Variants in TMEM132D observed in about 807,000 individuals in gnomAD.
TMEM132D encodes the protein mature OL transmembrane protein.
In TMEM132D, 21 loss-of-function variants were observed where a neutral mutation model predicts 62.3. The ratio of observed to expected loss-of-function variants is 0.34; its 90% CI spans 0.24 to 0.49. The LOEUF (loss-of-function observed/expected upper bound fraction) is 0.49. Among genes scored for constraint, TMEM132D ranks in the 20% least tolerant of loss-of-function variants. The pLI is 0.99. For synonymous variants in TMEM132D, 621 were observed against 575.6 expected, an observed-to-expected ratio of 1.08 and a Z score of -1.13; for missense variants, 1,346 against 1,402.8, an observed-to-expected ratio of 0.96 and a Z score of 0.65.
At chr12:129,583,045 T>C (rs1877922104) in intron 2 of TMEM132D, among the ~76,000 whole-genome samples, 1 of 152,228 alleles carries the variant, frequency 6.6e-6, no homozygotes, top group African/African-American at 2.4e-5. Flanking sequence ...CCTGACTTTG[T>C]GATCTGCCCA....
intron 4 of TMEM132D, among the ~76,000 whole-genome samples, chr12:129,283,104 T>C (rs897758223): frequency 2.0e-5 from 3 of 152,216 alleles, no homozygotes; most frequent in African/African-American, 7.2e-5. Flanking sequence ...CATTCATTCA[T>C]TCATACACTC....
At chr12:129,612,226 G>A (rs904944477) in intron 2 of TMEM132D, among the ~76,000 whole-genome samples, 7 of 152,138 alleles carry the variant, frequency 4.6e-5, no homozygotes, top group Non-Finnish European at 8.8e-5. Flanking sequence ...TTCACTGGCT[G>A]ATCTTACTAA....
intron 3 of TMEM132D, among the ~76,000 whole-genome samples, chr12:129,351,551 A>G (rs1293092401): frequency 6.6e-6 from 1 of 152,184 alleles, no homozygotes; most frequent in Admixed American, 6.5e-5. Flanking sequence ...TGTTGTGTGT[A>G]CGTTCCAGAC....
chr12:129,697,646 G>A (rs1438797599), intron 2 of TMEM132D, among the ~76,000 whole-genome samples: 1 of 152,166 alleles, frequency 6.6e-6, no homozygotes, highest in Non-Finnish European at 1.5e-5. Flanking sequence ...TACTTTTGCT[G>A]TACTTCTCAA....
At chr12:129,712,016 T>A (rs1199254511) in intron 1 of TMEM132D, among the ~76,000 whole-genome samples, 2 of 151,974 alleles carry the variant, frequency 1.3e-5, no homozygotes, top group African/African-American at 4.8e-5. Flanking sequence ...CTCCAGTACA[T>A]CCTCAGGTTA....
intron 5 of TMEM132D, among the ~76,000 whole-genome samples, chr12:129,203,480 CTCCTGTGG>C (rs1878762402): frequency 6.6e-6 from 1 of 152,238 alleles, no homozygotes; most frequent in Non-Finnish European, 1.5e-5. Context: ...TGGGTGCAGC[CTCCTGTGG>C]TCCCAGGAAG....
At chr12:129,108,613 C>T (rs1875579428) in intron 5 of TMEM132D, among the ~76,000 whole-genome samples, 1 of 152,158 alleles carries the variant, frequency 6.6e-6, no homozygotes, top group Non-Finnish European at 1.5e-5. Context: ...CATTCAGACT[C>T]TTCTATCTCC....
intron 2 of TMEM132D, among the ~76,000 whole-genome samples, chr12:129,591,854 T>C (rs758774741): frequency 3.6e-4 from 55 of 152,336 alleles, no homozygotes; most frequent in Admixed American, 9.8e-4. Context: ...TAATTCTGAC[T>C]ACTTAATAAA....
intron 5 of TMEM132D, among the ~76,000 whole-genome samples, chr12:129,091,482 C>A (rs1874915197): frequency 1.3e-5 from 2 of 150,974 alleles, no homozygotes; most frequent in Non-Finnish European, 3.0e-5. Context: ...GCTCTGGAGA[C>A]CTTACCTATG....
intron 1 of TMEM132D, among the ~76,000 whole-genome samples, chr12:129,902,247 T>C (rs1875383334): frequency 1.3e-5 from 2 of 152,234 alleles, no homozygotes; most frequent in African/African-American, 4.8e-5. Context: ...GATAATTGGC[T>C]TTGAAGTTTC....
intron 2 of TMEM132D, among the ~76,000 whole-genome samples, chr12:129,678,822 C>T (rs1200558773): frequency 1.3e-5 from 2 of 152,068 alleles, no homozygotes; most frequent in Non-Finnish European, 2.9e-5. Flanking sequence ...GCAGGAATCT[C>T]ATCCCTTTTT....
intron 2 of TMEM132D, among the ~76,000 whole-genome samples, chr12:129,676,023 A>G (rs1880620590): frequency 6.6e-6 from 1 of 152,220 alleles, no homozygotes; most frequent in African/African-American, 2.4e-5. Context: ...CTTTCAGTCA[A>G]CAGACACTTA....
At chr12:129,721,608 CG>C (rs1565961919) in intron 1 of TMEM132D, among the ~76,000 whole-genome samples, 2 of 152,164 alleles carry the variant, frequency 1.3e-5, no homozygotes, top group Non-Finnish European at 2.9e-5. Context: ...TGAGCCTTCC[CG>C]TTGATCTCCT....
At chr12:129,703,499 G>T (rs1881431803) in intron 1 of TMEM132D, among the ~76,000 whole-genome samples, 1 of 148,750 alleles carries the variant, frequency 6.7e-6, no homozygotes. Context: ...CAAAAATAAT[G>T]CCAATTATGG....
intron 1 of TMEM132D, among the ~76,000 whole-genome samples, chr12:129,836,344 T>A (rs913545024): frequency 4.6e-5 from 7 of 152,146 alleles, no homozygotes; most frequent in African/African-American, 1.4e-4. Context: ...CCTTGTGATC[T>A]CAGCATCCTC....
At chr12:129,702,044 T>G (rs1475365277) in intron 1 of TMEM132D, among the ~76,000 whole-genome samples, 2 of 152,232 alleles carry the variant, frequency 1.3e-5, no homozygotes, top group African/African-American at 4.8e-5. Context: ...ACTGCAGCAC[T>G]GTAGCCTCAG....
chr12:129,394,204 G>A (rs1871360574), intron 3 of TMEM132D, among the ~76,000 whole-genome samples: 8 of 152,166 alleles, frequency 5.3e-5, no homozygotes. Flanking sequence ...CTCTGAGCGG[G>A]AGTTGCAGCT....
At chr12:129,892,427 A>G (rs1355873224) in intron 1 of TMEM132D, among the ~76,000 whole-genome samples, 2 of 152,166 alleles carry the variant, frequency 1.3e-5, no homozygotes, top group Non-Finnish European at 2.9e-5. Flanking sequence ...ATGAGAGTCA[A>G]ATTGCCTAGC....
intron 2 of TMEM132D, among the ~76,000 whole-genome samples, chr12:129,644,722 T>A (rs1218369997): frequency 6.6e-6 from 1 of 151,394 alleles, no homozygotes; most frequent in Non-Finnish European, 1.5e-5. Flanking sequence ...CTCACACCTG[T>A]AATCCCAGCA....
Sources: gnomAD v4.1 joint callset for allele counts (sites outside exome capture counted in the v4.1 genomes callset) on GRCh38, gnomAD v4.1.1 for gene constraint, MANE v1.5 for transcripts, NCBI Gene and HGNC (gene_info 2026-07-23, HGNC 2026-07-21) for gene names.